TWIST2: variants seen among roughly 807,000 people sequenced by gnomAD.
TWIST2 encodes the protein twist family bHLH transcription factor 2, also known as twist-related protein 2.
Under a neutral mutation model 11.6 loss-of-function variants are expected in TWIST2, and 1 was observed. That is an observed-to-expected ratio of 0.09 (90% CI 0.03 to 0.41). The LOEUF (loss-of-function observed/expected upper bound fraction) is 0.41. Among genes scored for constraint, TWIST2 ranks in the 10% least tolerant of loss-of-function variants. The pLI is 0.98. For missense variants in TWIST2, 168 were observed against 226.4 expected (o/e 0.74, Z 1.66); for synonymous variants, 87 against 96.6 (o/e 0.90, Z 0.58).
chr2:238,881,089 TGTGTTAGTATTGGTATTA>T, intron 1 of TWIST2, among the ~76,000 whole-genome samples: 1 of 90,574 alleles, frequency 1.1e-5, no homozygotes, highest in African/African-American at 4.4e-5. Flanking sequence ...TTAGTATTAG[TGTGTTAGTATTGGTATTA>T]GTGTTAGTGT....
At chr2:238,891,943 G>GC (rs1177460979) in intron 1 of TWIST2, among the ~76,000 whole-genome samples, 1 of 152,202 alleles carries the variant, frequency 6.6e-6, no homozygotes, top group Non-Finnish European at 1.5e-5. Context: ...GTGCACCTGC[G>GC]CAAGGCGGGA....
intron 1 of TWIST2, among the ~76,000 whole-genome samples, chr2:238,901,110 G>T: frequency 6.6e-6 from 1 of 151,842 alleles, no homozygotes; most frequent in South Asian, 2.1e-4. Flanking sequence ...TGGAGTAGCT[G>T]GGATTACAGG....
At chr2:238,875,233 CTCTTT>C (rs1271312101) in intron 1 of TWIST2, among the ~76,000 whole-genome samples, 5 of 152,004 alleles carry the variant, frequency 3.3e-5, no homozygotes, top group Non-Finnish European at 5.9e-5. Context: ...GTGGACCCAG[CTCTTT>C]TCTTTTCTCT....
At chr2:238,889,995 C>T (rs560527114) in intron 1 of TWIST2, among the ~76,000 whole-genome samples, 2 of 136,852 alleles carry the variant, frequency 1.5e-5, no homozygotes, top group South Asian at 4.6e-4. Context: ...GCTGCCCAGC[C>T]TGGCCTGTGC....
chr2:238,902,579 TTG>T (rs1280278946), intron 1 of TWIST2, among the ~76,000 whole-genome samples: 3 of 143,540 alleles, frequency 2.1e-5, no homozygotes, highest in South Asian at 2.2e-4. Flanking sequence ...GTAATGTGAG[TTG>T]TGTGTGTTGT....
At chr2:238,852,436 A>T (rs1226006929) in intron 1 of TWIST2, among the ~76,000 whole-genome samples, 2 of 152,248 alleles carry the variant, frequency 1.3e-5, no homozygotes, top group Non-Finnish European at 2.9e-5. Flanking sequence ...CCGCTAGCAG[A>T]GAGTTCACAA....
At chr2:238,855,175 A>G (rs1692308738) in intron 1 of TWIST2, among the ~76,000 whole-genome samples, 1 of 152,190 alleles carries the variant, frequency 6.6e-6, no homozygotes, top group Admixed American at 6.5e-5. Flanking sequence ...GTGAACTTTA[A>G]ATCTCAGTCT....
At chr2:238,880,439 T>A (rs1692896435) in intron 1 of TWIST2, among the ~76,000 whole-genome samples, 1 of 119,256 alleles carries the variant, frequency 8.4e-6, no homozygotes, top group East Asian at 2.4e-4. Context: ...TTAGCATTAG[T>A]GTTAGTGTTA....
intron 1 of TWIST2, among the ~76,000 whole-genome samples, chr2:238,902,154 C>G (rs1693274935): frequency 6.6e-6 from 1 of 151,946 alleles, no homozygotes; most frequent in Non-Finnish European, 1.5e-5. Context: ...CCTGGCAGAA[C>G]CTCAGGGGTG....
intron 1 of TWIST2, among the ~76,000 whole-genome samples, chr2:238,903,295 GTGA>G (rs1693301321): frequency 6.6e-6 from 1 of 150,556 alleles, no homozygotes; most frequent in African/African-American, 2.4e-5. Context: ...TGTGAGGTGT[GTGA>G]TGTGGGATGT....
chr2:238,907,791 CACAT>C (rs1693379123), intron 1 of TWIST2, among the ~76,000 whole-genome samples: 1 of 151,548 alleles, frequency 6.6e-6, no homozygotes, highest in Non-Finnish European at 1.5e-5. Context: ...CCCACTTACA[CACAT>C]AAACACACAC....
At position 238,901,633 on chromosome 2, in the gene TWIST2, A is replaced by C. The variant is rs1054823848; in HGVS notation, c.*36-8209A>C. On this transcript the variant is annotated intron_variant, in intron 1 of 1. Transcript: ENST00000612363. ...CTCACTGACCACGCTGAGCGGTTCC[A>C]TACCTCTGGTTGACTCGGGGTGGCT... Among the ~76,000 whole-genome samples, 34 of 152,230 alleles carry C rather than the reference A, an allele frequency of 2.2e-4. No individual in the cohort carries two copies. The South Asian group carries it at 2.5e-3, about 11-fold the overall frequency.
chr2:238,861,912 G>T (rs544891169), intron 1 of TWIST2, among the ~76,000 whole-genome samples: 11 of 152,308 alleles, frequency 7.2e-5, no homozygotes, highest in African/African-American at 2.6e-4. Flanking sequence ...AACACATACA[G>T]TATATATAGG....
chr2:238,896,630 C>A (rs1376536341), intron 1 of TWIST2, among the ~76,000 whole-genome samples: 1 of 152,204 alleles, frequency 6.6e-6, no homozygotes, highest in Non-Finnish European at 1.5e-5. Flanking sequence ...TTTGTCTGAC[C>A]AGCAGACACC....
chr2:238,851,445 G>A (rs1692238947), intron 1 of TWIST2, among the ~76,000 whole-genome samples: 1 of 152,202 alleles, frequency 6.6e-6, no homozygotes, highest in Non-Finnish European at 1.5e-5. Context: ...CTGGCTTGGA[G>A]GGTGGGGGAA....
intron 1 of TWIST2, among the ~76,000 whole-genome samples, chr2:238,868,437 G>C (rs1382883083): frequency 6.6e-6 from 1 of 152,240 alleles, no homozygotes; most frequent in Admixed American, 6.5e-5. Flanking sequence ...GACAGGGGCA[G>C]GGTGGAGAGC....
chr2:238,858,859 C>T (rs1197492145), intron 1 of TWIST2, among the ~76,000 whole-genome samples: 1 of 152,136 alleles, frequency 6.6e-6, no homozygotes, highest in African/African-American at 2.4e-5. Context: ...GCAAAGTGTC[C>T]ATGAACTGAG....
Position 238,867,656 on chromosome 2 carries a change from C to T in TWIST2, c.*35+18923C>T, listed in dbSNP as rs539415640. 4.6e-4 allele frequency among the ~76,000 whole-genome samples: 70 copies of T among 152,212 alleles called. 2 individuals carry two copies. Among genetic ancestry groups the T allele is most frequent in the South Asian group, 4.4e-3 (21 of 4,820 alleles). The stretch of plus-strand genomic sequence containing the variant: ...AAGATTGAGATCACAGAGGGGTGGC[C>T]GAGGCTGGGGCACAGGCTGGATGCA... On this transcript the variant is annotated intron_variant, in intron 1 of 1. Coordinates refer to ENST00000612363, the MANE Select transcript of TWIST2 (RefSeq NM_001271893.4). The surrounding 1 kb of genome is among the most constrained non-coding windows in gnomAD (Gnocchi z 4.8).
intron 1 of TWIST2, among the ~76,000 whole-genome samples, chr2:238,869,923 G>A (rs893464855): frequency 6.6e-6 from 1 of 152,060 alleles, no homozygotes; most frequent in African/African-American, 2.4e-5. Flanking sequence ...TCCAGCCTGA[G>A]CAACAGAGTG....
Sources: allele counts gnomAD v4.1 joint callset (sites outside exome capture counted in the v4.1 genomes callset), GRCh38; gene constraint gnomAD v4.1.1; non-coding constraint Gnocchi (gnomAD v3.1); transcripts MANE v1.5; gene names NCBI Gene and HGNC (gene_info 2026-07-23, HGNC 2026-07-21).